Variants in NALF1 observed in about 807,000 individuals in gnomAD.
NALF1 encodes the protein family with sequence similarity 155 member A.
A neutral mutation model predicts 48.4 loss-of-function variants in NALF1; 3 were observed. That is an observed-to-expected ratio of 0.06 (90% CI 0.03 to 0.16). The LOEUF (loss-of-function observed/expected upper bound fraction) is 0.16. Ranked by LOEUF, NALF1 falls within the 10% of genes least tolerant of loss-of-function variation. The pLI, the probability that NALF1 is intolerant of heterozygous loss-of-function variation, is 1.00. For missense variants in NALF1, 526 were observed against 571.5 expected (o/e 0.92, Z 0.81); for synonymous variants, 262 against 245.7 (o/e 1.07, Z -0.62).
At chr13:107,182,671 AACTTATATTTGTCT>A (rs1285331230) in intron 2 of NALF1, among the ~76,000 whole-genome samples, 1 of 152,206 alleles carries the variant, frequency 6.6e-6, no homozygotes, top group Non-Finnish European at 1.5e-5. Context: ...CACACACTTG[AACTTATATTTGTCT>A]ACTTAATGAA....
At chr13:107,324,960 A>T (rs1428903364) in intron 1 of NALF1, among the ~76,000 whole-genome samples, 1 of 152,220 alleles carries the variant, frequency 6.6e-6, no homozygotes, top group Non-Finnish European at 1.5e-5. Context: ...GAAATGATTT[A>T]TGTCTATTGC....
intron 1 of NALF1, among the ~76,000 whole-genome samples, chr13:107,281,746 GA>G (rs1881391833): frequency 1.3e-5 from 2 of 152,176 alleles, no homozygotes; most frequent in African/African-American, 4.8e-5. Context: ...CATGGCTGTG[GA>G]AGCCTCAGGA....
intron 1 of NALF1, among the ~76,000 whole-genome samples, chr13:107,809,951 A>G (rs1878936712): frequency 6.6e-6 from 1 of 151,816 alleles, no homozygotes; most frequent in East Asian, 1.9e-4. Flanking sequence ...CATGTCTCTC[A>G]TTTCCATTCT....
chr13:107,826,307 G>A (rs977876154), intron 1 of NALF1, among the ~76,000 whole-genome samples: 3 of 123,224 alleles, frequency 2.4e-5, no homozygotes, highest in African/African-American at 8.5e-5. Context: ...ATGTGCACGT[G>A]TGTGTGTGTG....
intron 1 of NALF1, among the ~76,000 whole-genome samples, chr13:107,745,021 G>A (rs142202966): frequency 1.1e-3 from 175 of 152,258 alleles, no homozygotes; most frequent in East Asian, 4.4e-3. Context: ...GTATCAACAC[G>A]AAAGTTAGAA....
intron 1 of NALF1, among the ~76,000 whole-genome samples, chr13:107,731,306 C>T (rs1876301911): frequency 6.6e-6 from 1 of 152,062 alleles, no homozygotes; most frequent in African/African-American, 2.4e-5. Flanking sequence ...TTACTCCCAA[C>T]AGTAGCTTTT....
intron 1 of NALF1, among the ~76,000 whole-genome samples, chr13:107,780,030 C>CTT (rs35078173): frequency 8.2e-5 from 11 of 134,070 alleles, no homozygotes; most frequent in South Asian, 2.4e-4. Flanking sequence ...CCAAGACATA[C>CTT]TTTTTTTTTT....
chr13:107,609,969 T>C (rs963045682), intron 1 of NALF1, among the ~76,000 whole-genome samples: 5 of 152,102 alleles, frequency 3.3e-5, no homozygotes, highest in African/African-American at 1.2e-4. Context: ...AACTTCCAAA[T>C]AGCAAAGAGA....
At chr13:107,532,301 A>G (rs1876664192) in intron 1 of NALF1, among the ~76,000 whole-genome samples, 1 of 152,090 alleles carries the variant, frequency 6.6e-6, no homozygotes, top group South Asian at 2.1e-4. Context: ...CTATCTAATA[A>G]TCAGTATTAA....
chr13:107,612,785 T>G (rs1341969644), intron 1 of NALF1, among the ~76,000 whole-genome samples: 1 of 152,166 alleles, frequency 6.6e-6, no homozygotes, highest in Non-Finnish European at 1.5e-5. Context: ...TTGACTTTCT[T>G]GCCTGCTGCA....
At chr13:107,789,588 C>G (rs1443088254) in intron 1 of NALF1, among the ~76,000 whole-genome samples, 1 of 152,124 alleles carries the variant, frequency 6.6e-6, no homozygotes, top group African/African-American at 2.4e-5. Flanking sequence ...AATGGCTACA[C>G]CCCAAACACC....
At chr13:107,529,964 C>CT (rs1876572423) in intron 1 of NALF1, among the ~76,000 whole-genome samples, 1 of 152,050 alleles carries the variant, frequency 6.6e-6, no homozygotes, top group Non-Finnish European at 1.5e-5. Flanking sequence ...AACTGCTATT[C>CT]TCAGCTTTCA....
intron 1 of NALF1, among the ~76,000 whole-genome samples, chr13:107,816,999 T>G (rs1206731897): frequency 3.9e-5 from 6 of 152,256 alleles, no homozygotes; most frequent in African/African-American, 1.4e-4. Context: ...TGTAGGGTTT[T>G]TTGTATTTTT....
At chr13:107,595,273 T>C (rs1241195063) in intron 1 of NALF1, among the ~76,000 whole-genome samples, 1 of 152,168 alleles carries the variant, frequency 6.6e-6, no homozygotes. Context: ...TAATCTACCA[T>C]ATAATGAGAA....
At chr13:107,712,622 G>C (rs1875636360) in intron 1 of NALF1, among the ~76,000 whole-genome samples, 1 of 152,214 alleles carries the variant, frequency 6.6e-6, no homozygotes, top group Non-Finnish European at 1.5e-5. Context: ...CCGAGCCCCA[G>C]CTTCGTTTCG....
chr13:107,684,833 C>T (rs372305554), intron 1 of NALF1, among the ~76,000 whole-genome samples: 5 of 152,168 alleles, frequency 3.3e-5, no homozygotes, highest in African/African-American at 1.2e-4. Flanking sequence ...TAACACCTAT[C>T]CCTCTCTTTG....
At chr13:107,512,582 C>A (rs916406121) in intron 1 of NALF1, among the ~76,000 whole-genome samples, 5 of 152,086 alleles carry the variant, frequency 3.3e-5, no homozygotes, top group African/African-American at 1.2e-4. Flanking sequence ...AGCTGTGGCA[C>A]AGCTCCATGA....
intron 1 of NALF1, among the ~76,000 whole-genome samples, chr13:107,364,777 G>C (rs1437187168): frequency 3.0e-5 from 2 of 66,026 alleles, no homozygotes; most frequent in Admixed American, 1.3e-4. Flanking sequence ...CCCCAAGCTC[G>C]TAAGAGCCTG....
At chr13:107,299,323 C>T (rs1041684961) in intron 1 of NALF1, among the ~76,000 whole-genome samples, 1 of 151,692 alleles carries the variant, frequency 6.6e-6, no homozygotes, top group Non-Finnish European at 1.5e-5. Context: ...CCTAGCTATT[C>T]GGGAGGCTGA....
Sources: gnomAD v4.1 joint callset for allele counts (sites outside exome capture counted in the v4.1 genomes callset) on GRCh38, gnomAD v4.1.1 for gene constraint, MANE v1.5 for transcripts, NCBI Gene and HGNC (gene_info 2026-07-23, HGNC 2026-07-21) for gene names.